The following RBFOX3 variants were observed in gnomAD, a reference collection of about 807,000 sequenced individuals.
RBFOX3 encodes RNA binding protein fox-1 homolog 3.
RBFOX3 carries 17 observed loss-of-function variants against 48.7 expected under a neutral mutation model. The ratio of observed to expected loss-of-function variants is 0.35; its 90% CI spans 0.24 to 0.52. The LOEUF is 0.52. Ranked by LOEUF, RBFOX3 falls within the 20% of genes least tolerant of loss-of-function variation. RBFOX3 has a pLI of 0.94. For synonymous variants in RBFOX3, 212 were observed against 209.5 expected (o/e 1.01, Z -0.10); for missense variants, 382 against 497.5 (o/e 0.77, Z 2.21).
chr17:79,262,135 G>A (rs186906921), intron 3 of RBFOX3, among the ~76,000 whole-genome samples: 50 of 152,360 alleles, frequency 3.3e-4, no homozygotes, highest in African/African-American at 1.2e-3. Flanking sequence ...CAAAACCACT[G>A]CTCTGGAAAA....
At chr17:79,580,172 G>C (rs2093007406) in intron 1 of RBFOX3, among the ~76,000 whole-genome samples, 1 of 151,790 alleles carries the variant, frequency 6.6e-6, no homozygotes, top group African/African-American at 2.4e-5. Flanking sequence ...CCATGGCTTT[G>C]CTTAAGGGTT....
intron 2 of RBFOX3, among the ~76,000 whole-genome samples, chr17:79,314,931 T>G (rs1019609783): frequency 6.6e-6 from 1 of 151,712 alleles, no homozygotes; most frequent in African/African-American, 2.4e-5. Context: ...TTAAGACTAA[T>G]GCAAGAGAAC....
chr17:79,215,385 T>C (rs2058910996), intron 4 of RBFOX3, among the ~76,000 whole-genome samples: 1 of 152,216 alleles, frequency 6.6e-6, no homozygotes, highest in African/African-American at 2.4e-5. Flanking sequence ...GAAAGCACCC[T>C]ACTCATGCTC....
intron 2 of RBFOX3, among the ~76,000 whole-genome samples, chr17:79,352,096 C>G (rs2084051669): frequency 1.3e-5 from 2 of 152,160 alleles, no homozygotes; most frequent in African/African-American, 4.8e-5. Context: ...CTTCTGTGTC[C>G]TGCCTTTTCC....
intron 4 of RBFOX3, among the ~76,000 whole-genome samples, chr17:79,134,693 C>A (rs777514175): frequency 1.3e-5 from 2 of 152,202 alleles, no homozygotes; most frequent in African/African-American, 2.4e-5. Flanking sequence ...GCACCCTGAC[C>A]GTGTCAGAGA....
chr17:79,342,788 C>T (rs2082302952), intron 2 of RBFOX3, among the ~76,000 whole-genome samples: 1 of 152,146 alleles, frequency 6.6e-6, no homozygotes, highest in African/African-American at 2.4e-5. Context: ...TTAAGCAAAG[C>T]TCTCAATAAG....
intron 3 of RBFOX3, among the ~76,000 whole-genome samples, chr17:79,288,477 GCCCCCCCCAGCC>G (rs1331856362): frequency 6.6e-6 from 1 of 151,190 alleles, no homozygotes; most frequent in East Asian, 2.0e-4. Flanking sequence ...ATTCTCTGCA[GCCCCCCCCAGCC>G]CGGCTTCCAG....
chr17:79,354,964 C>T (rs2084685486), intron 2 of RBFOX3, among the ~76,000 whole-genome samples: 1 of 152,188 alleles, frequency 6.6e-6, no homozygotes. Flanking sequence ...ACAGCGGGCT[C>T]CCTTCCCTGG....
chr17:79,176,473 C>G (rs1304875076), intron 4 of RBFOX3, among the ~76,000 whole-genome samples: 2 of 152,280 alleles, frequency 1.3e-5, no homozygotes, highest in Non-Finnish European at 2.9e-5. Flanking sequence ...CCAGCCCCAA[C>G]TGGGTCTCCT....
chr17:79,627,576 A>G, the RBFOX3 span, among the ~76,000 whole-genome samples: 1 of 152,176 alleles, frequency 6.6e-6, no homozygotes, highest in Non-Finnish European at 1.5e-5. Context: ...CAGCAAGCCA[A>G]AGAATAAGAG....
In RBFOX3 at chr17:79,305,269, G is replaced by A. The variant is rs140671289; in HGVS notation, c.-74+2455C>T. ...GCAGGGGGCTTGGAACCCTGCGGCC[G>A]GCCAAGCCCTGCCGTCATAGCTATT... On this transcript the variant is annotated intron_variant, in intron 3 of 14. Coordinates refer to ENST00000693108, the MANE Select transcript of RBFOX3 (RefSeq NM_001350451.2). Among the ~76,000 whole-genome samples, 949 of 152,228 alleles carry A rather than the reference G, an allele frequency of 6.2e-3. 9 individuals are homozygous for A. The highest frequency in any genetic ancestry group is 0.022 in the African/African-American group (898 of 41,534).
chr17:79,533,376 T>C (rs1388425627), intron 1 of RBFOX3, among the ~76,000 whole-genome samples: 4 of 152,186 alleles, frequency 2.6e-5, no homozygotes, highest in Non-Finnish European at 4.4e-5. Flanking sequence ...AATAGTGACA[T>C]TGTCAGCGAG....
chr17:79,321,181 G>A (rs538172581), intron 2 of RBFOX3, among the ~76,000 whole-genome samples: 14 of 152,336 alleles, frequency 9.2e-5, no homozygotes, highest in African/African-American at 3.1e-4. Context: ...CAAAGACCAT[G>A]CAGGAGCCCA....
At chr17:79,121,772 C>T (rs2035799973) in intron 4 of RBFOX3, among the ~76,000 whole-genome samples, 1 of 152,130 alleles carries the variant, frequency 6.6e-6, no homozygotes, top group South Asian at 2.1e-4. Context: ...CTGATGGGCC[C>T]CAAAGCTCAG....
intron 4 of RBFOX3, among the ~76,000 whole-genome samples, chr17:79,213,829 A>C (rs2058679810): frequency 6.6e-6 from 1 of 152,216 alleles, no homozygotes; most frequent in South Asian, 2.1e-4. Context: ...ACGTCACAGG[A>C]AACCTGACTT....
chr17:79,131,381 T>C (rs1411185185), intron 4 of RBFOX3, among the ~76,000 whole-genome samples: 3 of 152,254 alleles, frequency 2.0e-5, no homozygotes, highest in South Asian at 2.1e-4. Flanking sequence ...GCCCCTCGTC[T>C]ACCTTCACCG....
intron 4 of RBFOX3, chr17:79,135,873 G>A (rs922309911): frequency 9.2e-5 from 14 of 152,260 alleles, no homozygotes; most frequent in African/African-American, 1.7e-4. Flanking sequence ...CCAGGGCTGC[G>A]CTATGAGCTG....
intron 2 of RBFOX3, among the ~76,000 whole-genome samples, chr17:79,386,493 GA>G (rs1568158075): frequency 6.6e-6 from 1 of 152,228 alleles, no homozygotes; most frequent in Non-Finnish European, 1.5e-5. Context: ...GGCAGGGCTG[GA>G]ATCCAAGCTG....
At position 79,190,366 on chromosome 17, in the gene RBFOX3, G is replaced by A. The variant is rs1463495698; in HGVS notation, c.-34+45400C>T. On this transcript the variant is annotated intron_variant, in intron 4 of 14. Coordinates refer to ENST00000693108, the MANE Select transcript of RBFOX3 (RefSeq NM_001350451.2). ...GCGGAGGATGCGGTGAGCCGTGATC[G>A]CGCCATTGCACTCCAGCCTGGGCAA... Among the ~76,000 whole-genome samples the A allele has an allele frequency of 2.7e-5, 4 of 147,312 alleles. No individual in the cohort carries two copies. In the South Asian group the frequency reaches 6.4e-4, roughly 24 times the overall value.
Sources: gnomAD v4.1 joint callset for allele counts (sites outside exome capture counted in the v4.1 genomes callset) on GRCh38, gnomAD v4.1.1 for gene constraint, MANE v1.5 for transcripts, NCBI Gene and HGNC (gene_info 2026-07-23, HGNC 2026-07-21) for gene names.